The following PRKCQ variants were observed in gnomAD, a reference collection of about 807,000 sequenced individuals.
The protein encoded by PRKCQ is protein kinase C theta.
In PRKCQ, 41 loss-of-function variants were observed where a neutral mutation model predicts 91.2. That is an observed-to-expected ratio of 0.45 (90% CI 0.35 to 0.58). The LOEUF is 0.58. PRKCQ is among the 20% of genes least tolerant of loss of function. The pLI, the probability that PRKCQ is intolerant of heterozygous loss-of-function variation, is 0.00. For synonymous variants in PRKCQ, 307 were observed against 316.9 expected (o/e 0.97, Z 0.33); for missense variants, 673 against 896.5 (o/e 0.75, Z 3.18).
chr10:6,489,325 C>T (rs996812830), intron 8 of PRKCQ: 1 of 478,486 alleles, frequency 2.1e-6, no homozygotes, highest in Non-Finnish European at 4.3e-6. Flanking sequence ...CTAGGCTTCT[C>T]TGTGACTTGC....
intron 1 of PRKCQ, among the ~76,000 whole-genome samples, chr10:6,538,572 C>T (rs751789262): frequency 6.6e-5 from 10 of 152,144 alleles, no homozygotes; most frequent in Admixed American, 1.3e-4. Context: ...AACATCTAGT[C>T]GGCACTAAGA....
chr10:6,560,064 C>T (rs922471950), intron 1 of PRKCQ, among the ~76,000 whole-genome samples: 8 of 152,162 alleles, frequency 5.3e-5, no homozygotes, highest in Admixed American at 3.3e-4. Flanking sequence ...TTTTAAACGC[C>T]CAGAAAAAGC....
intron 7 of PRKCQ, among the ~76,000 whole-genome samples, chr10:6,494,578 C>T (rs1290363122): frequency 6.6e-6 from 1 of 152,178 alleles, no homozygotes; most frequent in Non-Finnish European, 1.5e-5. Context: ...ACCTCAACTG[C>T]ACAGAACACA....
chr10:6,485,326 C>T, intron 9 of PRKCQ, 57 bp from the exon 10 acceptor site: 1 of 1,354,974 alleles, frequency 7.4e-7, no homozygotes, highest in Non-Finnish European at 1.1e-6. Context: ...TGGAACAGCT[C>T]AGCCTGCTAA....
intron 1 of PRKCQ, among the ~76,000 whole-genome samples, chr10:6,556,433 GGAAAAAAAAAAA>G (rs1355868791): frequency 3.2e-5 from 3 of 93,448 alleles, no homozygotes; most frequent in South Asian, 3.3e-4. Flanking sequence ...CCCTGTCTTG[GGAAAAAAAAAAA>G]AAAAAAAAAA....
chr10:6,580,188 C>CGGCGCGG lies in PRKCQ; in HGVS notation c.-10+16_-10+22dup, dbSNP rs565456823. On this transcript the variant is annotated intron_variant, in intron 1 of 17. Coordinates refer to ENST00000263125, the MANE Select transcript of PRKCQ (RefSeq NM_006257.5). ...CCTCCAGCCCGCTCCCTCCCGGCGGCGGCGCGGGGCGCGGGGCCCTACCTG... is the reference window on the plus strand; with the variant it reads ...CCTCCAGCCCGCTCCCTCCCGGCGGCGGCGCGGGGCGCGGGGCGCGGGGCCCTACCTG... 2.6e-3 allele frequency: 396 copies of CGGCGCGG among 153,072 alleles called. 2 individuals carry two copies. Among genetic ancestry groups the CGGCGCGG allele is most frequent in the South Asian group, 8.6e-3 (43 of 5,004 alleles). 9.5% of individuals were successfully genotyped at this position (153,072 alleles called of 1,614,324 possible).
At position 6,463,521 on chromosome 10, in the gene PRKCQ, G is replaced by T. The variant is rs545830240; in HGVS notation, c.1445+792C>A. 2.0e-5 allele frequency among the ~76,000 whole-genome samples: 3 copies of T among 152,300 alleles called. No homozygotes were observed. The East Asian group carries it at 5.8e-4, about 29-fold the overall frequency. On this transcript the variant is annotated intron_variant, in intron 13 of 17. Transcript: ENST00000263125. ...GTTTCCCAGAGCAATGATCTCAGCAGAGTGCTACCCACTAGATGTGATAAA... is the reference window on the plus strand; with the variant it reads ...GTTTCCCAGAGCAATGATCTCAGCATAGTGCTACCCACTAGATGTGATAAA...
chr10:6,562,801 T>C (rs1840683542), intron 1 of PRKCQ, among the ~76,000 whole-genome samples: 1 of 152,094 alleles, frequency 6.6e-6, no homozygotes, highest in African/African-American at 2.4e-5. Context: ...TTTTCTTATC[T>C]GAAAAATGAG....
intron 1 of PRKCQ, among the ~76,000 whole-genome samples, chr10:6,543,831 G>A (rs559205036): frequency 5.6e-4 from 86 of 152,326 alleles, no homozygotes; most frequent in Non-Finnish European, 1.1e-3. Flanking sequence ...CATGCACCGC[G>A]CATCCTTCCT....
intron 15 of PRKCQ, among the ~76,000 whole-genome samples, chr10:6,449,567 C>T (rs1834530389): frequency 1.3e-5 from 2 of 151,948 alleles, no homozygotes; most frequent in African/African-American, 4.8e-5. Context: ...CATTCAGATT[C>T]AGGAAATACA....
intron 1 of PRKCQ, among the ~76,000 whole-genome samples, chr10:6,579,517 T>C (rs1261261365): frequency 2.6e-5 from 4 of 152,100 alleles, no homozygotes; most frequent in African/African-American, 7.2e-5. Context: ...CACTCTCCCA[T>C]TGATAACGGT....
At chr10:6,460,577 C>T (rs919577801) in intron 14 of PRKCQ, among the ~76,000 whole-genome samples, 15 of 152,002 alleles carry the variant, frequency 9.9e-5, no homozygotes, top group South Asian at 2.1e-4. Flanking sequence ...CTGCAACCTC[C>T]GCCTAACAGG....
chr10:6,416,233 G>GTT, the PRKCQ span, among the ~76,000 whole-genome samples: 48 of 145,800 alleles, frequency 3.3e-4, no homozygotes, highest in Non-Finnish European at 5.8e-4. Context: ...TATTTCAATA[G>GTT]TTTTTTTGGG....
chr10:6,435,119 G>C (rs995116766), intron 16 of PRKCQ, among the ~76,000 whole-genome samples: 2 of 152,126 alleles, frequency 1.3e-5, no homozygotes, highest in African/African-American at 4.8e-5. Flanking sequence ...AGTAAAGGGT[G>C]TTTCTTTGGC....
intron 15 of PRKCQ, among the ~76,000 whole-genome samples, chr10:6,456,111 G>C (rs1003897108): frequency 3.9e-5 from 6 of 152,200 alleles, no homozygotes; most frequent in African/African-American, 1.4e-4. Flanking sequence ...TCACTTCTTT[G>C]TGTGTCCAGA....
chr10:6,417,082 AC>A, the PRKCQ span, among the ~76,000 whole-genome samples: 7 of 152,324 alleles, frequency 4.6e-5, no homozygotes, highest in East Asian at 1.2e-3. Context: ...AGAGGTCTCC[AC>A]CTCACCATAT....
At chr10:6,412,665 C>G in the PRKCQ span, among the ~76,000 whole-genome samples, 4 of 152,200 alleles carry the variant, frequency 2.6e-5, no homozygotes, top group South Asian at 8.3e-4. Context: ...ATTCAGAAAA[C>G]AGCATTGAGT....
intron 1 of PRKCQ, among the ~76,000 whole-genome samples, chr10:6,518,686 T>C (rs967350380): frequency 4.0e-5 from 6 of 151,692 alleles, no homozygotes; most frequent in African/African-American, 1.2e-4. Flanking sequence ...CCAGGCATGG[T>C]GGGGGGCACC....
At chr10:6,459,713 G>A (rs567689459) in intron 14 of PRKCQ, among the ~76,000 whole-genome samples, 100 of 152,348 alleles carry the variant, frequency 6.6e-4, no homozygotes, top group African/African-American at 2.3e-3. Flanking sequence ...CAGAGACTGG[G>A]TGATGCAGCC....
Sources: gnomAD v4.1 joint callset for allele counts (sites outside exome capture counted in the v4.1 genomes callset) on GRCh38, gnomAD v4.1.1 for gene constraint, MANE v1.5 for transcripts, NCBI Gene and HGNC (gene_info 2026-07-23, HGNC 2026-07-21) for gene names.